YEATS4: variants seen among roughly 807,000 people sequenced by gnomAD.
YEATS4 encodes YEATS domain containing 4.
Under a neutral mutation model 30.1 loss-of-function variants are expected in YEATS4, and 17 were observed. The observed-to-expected ratio is 0.56, with a 90% CI of 0.39 to 0.85. The LOEUF is 0.85. Among genes scored for constraint, YEATS4 ranks in the 40% least tolerant of loss-of-function variants. The probability of loss-of-function intolerance (pLI) is 0.00; values close to 1 mark genes in which losing one functional copy is unlikely to be tolerated. For missense variants in YEATS4, 142 were observed against 268.3 expected (o/e 0.53, Z 3.29); for synonymous variants, 85 against 87.5 (o/e 0.97, Z 0.16).
downstream of YEATS4, among the ~76,000 whole-genome samples, chr12:69,394,322 T>C (rs1306719687): frequency 6.6e-6 from 1 of 152,138 alleles, no homozygotes; most frequent in East Asian, 1.9e-4. Flanking sequence ...GTGGGACATA[T>C]ATGTGTCTAA....
Position 69,390,141 on chromosome 12 carries a change from C to G in YEATS4, c.515-6C>G, listed in dbSNP as rs1422722339. The stretch of plus-strand genomic sequence containing the variant: ...ATACTTTAGTAAAAGTATTTGTTTT[C>G]TTTAGTTGCAGAGCTTGAAGTGAAA... On this transcript the variant is annotated splice_polypyrimidine_tract_variant and splice_region_variant and intron_variant, in intron 6 of 6. Transcript: ENST00000247843. 6.4e-7 allele frequency: 1 copy of G among 1,569,790 alleles called. No homozygotes were observed. Among genetic ancestry groups the G allele is most frequent in the Non-Finnish European group, 8.6e-7 (1 of 1,168,214 alleles).
At chr12:69,426,064 GTC>G in the YEATS4 span, among the ~76,000 whole-genome samples, 2 of 152,104 alleles carry the variant, frequency 1.3e-5, no homozygotes, top group African/African-American at 4.8e-5. Context: ...GCGAGACCCT[GTC>G]TCTACAAAAG....
At position 69,375,303 on chromosome 12, in the gene YEATS4, T is replaced by TG. The variant is rs1196347302; in HGVS notation, c.514+4332dup. On this transcript the variant is annotated intron_variant, in intron 6 of 6. Transcript: ENST00000247843. ...GCAGAGGCGCTCTTCACATCTCAGA[T>TG]GGGGCGGCGGGGCAGAGGCGCTCCC... is the stretch of plus-strand genomic sequence containing the variant. 2.2e-5 allele frequency among the ~76,000 whole-genome samples: 3 copies of TG among 133,912 alleles called. No individual in the cohort carries two copies. The East Asian group carries it at 6.9e-4, about 31-fold the overall frequency. 87.9% of individuals were successfully genotyped at this position (133,912 alleles called of 152,430 possible). A position where few individuals can be genotyped will look rare whatever the true frequency, so the allele number is the denominator to read the frequency against.
At chr12:69,381,356 A>T (rs974301243) in intron 6 of YEATS4, among the ~76,000 whole-genome samples, 4 of 152,190 alleles carry the variant, frequency 2.6e-5, no homozygotes, top group African/African-American at 9.7e-5. Flanking sequence ...CGGCAGTCAG[A>T]GTTTAAGGTT....
chr12:69,379,833 T>C (rs1212634336), intron 6 of YEATS4, among the ~76,000 whole-genome samples: 1 of 151,046 alleles, frequency 6.6e-6, no homozygotes, highest in Non-Finnish European at 1.5e-5. Flanking sequence ...AAATAGCCTC[T>C]CTTCAAGCCC....
At chr12:69,362,646 A>T (rs1298271759) in intron 1 of YEATS4, 142 bp from the exon 2 acceptor site, 7 of 548,292 alleles carry the variant, frequency 1.3e-5, no homozygotes, top group Non-Finnish European at 2.1e-5. Context: ...TGTGTCTGAA[A>T]TTGATTTGAG....
At chr12:69,419,063 C>G in the YEATS4 span, among the ~76,000 whole-genome samples, 3 of 148,206 alleles carry the variant, frequency 2.0e-5, no homozygotes, top group African/African-American at 7.4e-5. Context: ...TTACTTTAGT[C>G]ATTTCCCCTG....
chr12:69,366,492 C>T (rs1047890149), intron 4 of YEATS4, among the ~76,000 whole-genome samples: 1 of 152,186 alleles, frequency 6.6e-6, no homozygotes, highest in Non-Finnish European at 1.5e-5. Flanking sequence ...CAAGTCACTG[C>T]TCAAAAACAC....
chr12:69,414,599 G>A, the YEATS4 span, among the ~76,000 whole-genome samples: 1 of 152,172 alleles, frequency 6.6e-6, no homozygotes, highest in Non-Finnish European at 1.5e-5. Flanking sequence ...AATAGGAAAA[G>A]ATTCAGATTC....
At chr12:69,409,006 T>C in the YEATS4 span, among the ~76,000 whole-genome samples, 1 of 152,208 alleles carries the variant, frequency 6.6e-6, no homozygotes, top group Non-Finnish European at 1.5e-5. Flanking sequence ...CTCGGTTTTC[T>C]CTTGTTTACA....
At chr12:69,388,492 G>A (rs1868279770) in intron 6 of YEATS4, among the ~76,000 whole-genome samples, 1 of 152,140 alleles carries the variant, frequency 6.6e-6, no homozygotes, top group African/African-American at 2.4e-5. Context: ...CTTCCAATTA[G>A]TGACCATCTT....
chr12:69,383,020 A>G (rs2603089), intron 6 of YEATS4, among the ~76,000 whole-genome samples: 70,012 of 151,860 alleles, frequency 0.46, 16,174 homozygotes, highest in Non-Finnish European at 0.5. Flanking sequence ...AGCACATTAG[A>G]GGGGCTAGCA....
the YEATS4 span, among the ~76,000 whole-genome samples, chr12:69,405,552 C>T: frequency 1.3e-5 from 2 of 152,124 alleles, no homozygotes; most frequent in African/African-American, 4.8e-5. Flanking sequence ...TACTCTTGCG[C>T]TTTGGGGCCA....
At chr12:69,360,072 T>G (rs1592844626) in intron 1 of YEATS4, 49 bp downstream of exon 1, 2 of 1,595,380 alleles carry the variant, frequency 1.3e-6, no homozygotes, top group East Asian at 4.6e-5. Context: ...CCGCCTCGGT[T>G]CCTCCCTGCG....
chr12:69,389,978 G>A (rs902011201), intron 6 of YEATS4, among the ~76,000 whole-genome samples, 169 bp from the exon 7 acceptor site: 1 of 152,070 alleles, frequency 6.6e-6, no homozygotes, highest in Non-Finnish European at 1.5e-5. Context: ...TGGGAATTCA[G>A]ACATTCTTCC....
chr12:69,410,572 A>T, the YEATS4 span, among the ~76,000 whole-genome samples: 1 of 152,264 alleles, frequency 6.6e-6, no homozygotes, highest in Non-Finnish European at 1.5e-5. Context: ...GACCATTGTC[A>T]TCATAATTTA....
At chr12:69,416,097 C>T in the YEATS4 span, among the ~76,000 whole-genome samples, 26 of 152,182 alleles carry the variant, frequency 1.7e-4, no homozygotes, top group African/African-American at 5.8e-4. Flanking sequence ...CCCAGGCCCG[C>T]GGTCCTACCT....
chr12:69,389,007 A>G (rs1242969086), intron 6 of YEATS4, among the ~76,000 whole-genome samples: 1 of 152,166 alleles, frequency 6.6e-6, no homozygotes, highest in Non-Finnish European at 1.5e-5. Flanking sequence ...TGCCATTATC[A>G]TTTCTGTTTC....
intron 4 of YEATS4, among the ~76,000 whole-genome samples, chr12:69,366,531 G>T (rs1376388725): frequency 1.3e-5 from 2 of 152,122 alleles, no homozygotes; most frequent in African/African-American, 2.4e-5. Flanking sequence ...GCTAGTTTTT[G>T]AACCCAGATA....
Sources: allele counts gnomAD v4.1 joint callset (sites outside exome capture counted in the v4.1 genomes callset), GRCh38; gene constraint gnomAD v4.1.1; transcripts MANE v1.5; gene names NCBI Gene and HGNC (gene_info 2026-07-23, HGNC 2026-07-21).